The following BTAF1 variants were observed in gnomAD, a reference collection of about 807,000 sequenced individuals.
BTAF1 encodes the protein B-TFIID TATA-box binding protein associated factor 1, also known as TATA-binding protein-associated factor 172.
Under a neutral mutation model 227.1 loss-of-function variants are expected in BTAF1, and 38 were observed. That is an observed-to-expected ratio of 0.17 (90% CI 0.13 to 0.22). BTAF1 has a LOEUF of 0.22. Ranked by LOEUF, BTAF1 falls within the 10% of genes least tolerant of loss-of-function variation. The pLI is 1.00. For missense variants in BTAF1, 1,598 were observed against 2,204.0 expected, an observed-to-expected ratio of 0.73 and a Z score of 5.51; for synonymous variants, 742 against 751.9, an observed-to-expected ratio of 0.99 and a Z score of 0.21.
rs140110262 is a variant in BTAF1 at position 91,965,860 on chromosome 10, T to A, written c.1530-777T>A. ...ACAAACCTGCAAGTAATGAAAATAG[T>A]GTTAAAAGATAGGCCTCCTGGGAGG... On this transcript the variant is annotated intron_variant, in intron 13 of 37. Transcript: ENST00000265990. Among the ~76,000 whole-genome samples, 188 of 152,334 alleles carry A rather than the reference T, an allele frequency of 1.2e-3. 1 individual carries two copies. Among genetic ancestry groups the A allele is most frequent in the Non-Finnish European group, 2.5e-3 (169 of 68,022 alleles).
chr10:91,930,877 G>A (rs1844232148), intron 1 of BTAF1, among the ~76,000 whole-genome samples: 1 of 152,076 alleles, frequency 6.6e-6, no homozygotes, highest in Admixed American at 6.6e-5. Flanking sequence ...TTTAGTTAAG[G>A]CCACAAAGCT....
chr10:91,982,389 AT>A (rs1223519768), intron 17 of BTAF1, 164 bp downstream of exon 17: 1 of 1,051,248 alleles, frequency 9.5e-7, no homozygotes, highest in Non-Finnish European at 1.3e-6. Context: ...ACTTCTAATT[AT>A]TTTAAAGCTT....
chr10:91,957,221 T>A lies in BTAF1; in HGVS notation c.832-4T>A. On this transcript the variant is annotated splice_region_variant and splice_polypyrimidine_tract_variant and intron_variant, in intron 7 of 37. Coordinates refer to ENST00000265990, the MANE Select transcript of BTAF1 (RefSeq NM_003972.3). Reference sequence around the variant, plus strand: ...CTAGTAGTAATTCTGTTTTTCTTATTCAGACAAATGAATGGCCTTTGGAAA... The same window carrying A: ...CTAGTAGTAATTCTGTTTTTCTTATACAGACAAATGAATGGCCTTTGGAAA... 2 of 1,611,786 alleles carry A rather than the reference T, an allele frequency of 1.2e-6. No individual in the cohort carries two copies. The highest frequency in any genetic ancestry group is 8.5e-7 in the Non-Finnish European group (1 of 1,178,366).
At chr10:92,000,962 A>C (rs1018460209) in intron 25 of BTAF1, among the ~76,000 whole-genome samples, 3 of 152,206 alleles carry the variant, frequency 2.0e-5, no homozygotes, top group African/African-American at 7.2e-5. Flanking sequence ...TGTGAAAATT[A>C]CTAGAACATG....
chr10:92,013,168 GTTTC>G (rs1850488265), intron 30 of BTAF1, among the ~76,000 whole-genome samples: 1 of 152,200 alleles, frequency 6.6e-6, no homozygotes, highest in African/African-American at 2.4e-5. Context: ...AAAAGTGCTG[GTTTC>G]TTTTTCTTTT....
chr10:91,993,961 GCTGGTAAGTTTTAAAATGGAAA>G (rs1483755838), intron 22 of BTAF1, 114 bp downstream of exon 22: 1 of 771,666 alleles, frequency 1.3e-6, no homozygotes. Context: ...TTCCAGACCA[GCTGGTAAGTTTTAAAATGGAAA>G]CTTGGTTTAA....
intron 14 of BTAF1, among the ~76,000 whole-genome samples, chr10:91,971,868 G>C (rs907737679): frequency 1.3e-5 from 2 of 151,588 alleles, no homozygotes; most frequent in South Asian, 2.1e-4. Flanking sequence ...AAAGAGCAGG[G>C]AATTGTATGA....
Position 91,956,404 on chromosome 10 carries a change from A to G in BTAF1, c.702-124A>G, listed in dbSNP as rs917123999. ...TCATATAAGCAGAATATGGTGTAAA[A>G]CATTTGTTTAAATGATGGATTATCT... On this transcript the variant is annotated intron_variant, in intron 6 of 37. Transcript: ENST00000265990. 25 of 1,208,044 alleles carry G rather than the reference A, an allele frequency of 2.1e-5. No homozygotes were observed. In the African/African-American group the frequency reaches 4.0e-4, roughly 19 times the overall value. The allele number at this position is 1,208,044 out of a possible 1,614,324, so 74.8% of individuals were successfully genotyped here. A position where few individuals can be genotyped will look rare whatever the true frequency, so the allele number is the denominator to read the frequency against.
chr10:91,955,541 T>G (rs1564670599), intron 6 of BTAF1, among the ~76,000 whole-genome samples: 1 of 152,218 alleles, frequency 6.6e-6, no homozygotes, highest in Non-Finnish European at 1.5e-5. Flanking sequence ...GTATAGAGTT[T>G]GAAATTTTAG....
intron 14 of BTAF1, among the ~76,000 whole-genome samples, chr10:91,978,371 CAG>C (rs1802967619): frequency 1.3e-5 from 2 of 151,908 alleles, no homozygotes; most frequent in South Asian, 4.2e-4. Flanking sequence ...GGTCGGGGAA[CAG>C]AGTTGGTAAA....
chr10:91,935,523 TA>T, intron 1 of BTAF1, 133 bp from the exon 2 acceptor site: 1 of 908,020 alleles, frequency 1.1e-6, no homozygotes, highest in Non-Finnish European at 1.6e-6. Context: ...TATTTCACCA[TA>T]ATGTCTTTCC....
chr10:91,931,638 T>A (rs765864423), intron 1 of BTAF1, among the ~76,000 whole-genome samples: 2 of 152,186 alleles, frequency 1.3e-5, no homozygotes, highest in South Asian at 4.1e-4. Context: ...AACATAATAC[T>A]GACTCTGTCT....
chr10:91,990,349 T>C (rs1334657729), intron 20 of BTAF1, among the ~76,000 whole-genome samples: 1 of 152,160 alleles, frequency 6.6e-6, no homozygotes, highest in Non-Finnish European at 1.5e-5. Context: ...TCCCCCCTCT[T>C]ACCCCCCTGG....
chr10:92,017,038 A>T (rs1850790317), intron 33 of BTAF1, among the ~76,000 whole-genome samples: 1 of 152,222 alleles, frequency 6.6e-6, no homozygotes, highest in South Asian at 2.1e-4. Flanking sequence ...ATATTAGAAC[A>T]CCTACTACAT....
Position 91,923,994 on chromosome 10 carries a change from G to T in BTAF1, c.-83G>T. The T allele has an allele frequency of 1.3e-6, 2 of 1,538,288 alleles. No homozygotes were observed. The highest frequency in any genetic ancestry group is 1.7e-6 in the Non-Finnish European group (2 of 1,145,108). On this transcript the variant is annotated 5_prime_UTR_variant, in exon 1 of 38. Transcript: ENST00000265990. ...CCCCTGTGCTCCGCGGCCTGGGCCT[G>T]CGCCGCTCAGCTCTCTGGAAACTAG...
At chr10:91,937,923 T>C (rs533840695) in intron 2 of BTAF1, among the ~76,000 whole-genome samples, 1 of 152,346 alleles carries the variant, frequency 6.6e-6, no homozygotes, top group South Asian at 2.1e-4. Context: ...ATTGTCCACA[T>C]CCTTGTCAAT....
chr10:92,007,175 G>A (rs1475135671), intron 25 of BTAF1, among the ~76,000 whole-genome samples: 2 of 143,810 alleles, frequency 1.4e-5, no homozygotes, highest in Non-Finnish European at 3.0e-5. Flanking sequence ...TATTAAAATC[G>A]ATCATTTTTA....
chr10:91,973,972 AT>A (rs1847506620), intron 14 of BTAF1, among the ~76,000 whole-genome samples: 1 of 151,040 alleles, frequency 6.6e-6, no homozygotes, highest in Non-Finnish European at 1.5e-5. Flanking sequence ...TTCAGATCTT[AT>A]TCTGGCTTTC....
chr10:92,000,407 G>T (rs774163170), intron 25 of BTAF1, among the ~76,000 whole-genome samples: 12 of 152,332 alleles, frequency 7.9e-5, no homozygotes, highest in Non-Finnish European at 1.5e-4. Context: ...ACAGCTGAAA[G>T]TAGTATTTTA....
Sources: gnomAD v4.1 joint callset for allele counts (sites outside exome capture counted in the v4.1 genomes callset) on GRCh38, gnomAD v4.1.1 for gene constraint, MANE v1.5 for transcripts, NCBI Gene and HGNC (gene_info 2026-07-23, HGNC 2026-07-21) for gene names.